Variants in GABRR1 observed in about 807,000 individuals in gnomAD.
GABRR1 encodes gamma-aminobutyric acid receptor subunit rho-1.
GABRR1 carries 59 observed loss-of-function variants against 55.5 expected under a neutral mutation model. The observed-to-expected ratio is 1.06, with a 90% confidence interval of 0.86 to 1.32. The LOEUF (loss-of-function observed/expected upper bound fraction) is 1.32. Ranked by LOEUF, GABRR1 falls within the 40% of genes most tolerant of loss-of-function variation. The pLI, the probability that GABRR1 is intolerant of heterozygous loss-of-function variation, is 0.00. For missense variants in GABRR1, 602 were observed against 619.1 expected (o/e 0.97, Z 0.29); for synonymous variants, 213 against 226.0 (o/e 0.94, Z 0.51).
At chr6:89,207,013 G>A (rs1772669835) in intron 1 of GABRR1, among the ~76,000 whole-genome samples, 1 of 152,092 alleles carries the variant, frequency 6.6e-6, no homozygotes, top group African/African-American at 2.4e-5. Context: ...AAACCCAAGG[G>A]TGTATTGCAC....
intron 1 of GABRR1, among the ~76,000 whole-genome samples, chr6:89,208,225 T>C (rs1248541816): frequency 1.3e-5 from 2 of 152,236 alleles, no homozygotes; most frequent in South Asian, 2.1e-4. Flanking sequence ...GTATCCATCA[T>C]GTTATTTATA....
At chr6:89,229,631 C>T (rs1224136333) in intron 1 of GABRR1, among the ~76,000 whole-genome samples, 3 of 111,028 alleles carry the variant, frequency 2.7e-5, no homozygotes, top group East Asian at 4.3e-4. Context: ...CGGAGAGATC[C>T]GCTGTTAGTC....
At chr6:89,201,112 C>G (rs1402240216) in intron 3 of GABRR1, 47 bp downstream of exon 3, 2 of 1,413,068 alleles carry the variant, frequency 1.4e-6, no homozygotes, top group East Asian at 4.6e-5. Context: ...TGCCCACAGA[C>G]AGAGGACCAG....
rs145923377 is a variant in GABRR1 at position 89,196,901 on chromosome 6, G to T, written c.572+1119C>A. Among the ~76,000 whole-genome samples, 560 of 147,498 alleles carry T rather than the reference G, an allele frequency of 3.8e-3. 7 individuals are homozygous for T. The highest frequency in any genetic ancestry group is 0.012 in the African/African-American group (500 of 40,742). Reference sequence around the variant, plus strand: ...AAAGAGAAGAGAAGAAAAAAGAAAAGAAAATAAAAAATCTGCCTCAGAAAT... The same window carrying T: ...AAAGAGAAGAGAAGAAAAAAGAAAATAAAATAAAAAATCTGCCTCAGAAAT... On this transcript the variant is annotated intron_variant, in intron 5 of 9. Transcript: ENST00000454853.
intron 5 of GABRR1, among the ~76,000 whole-genome samples, chr6:89,190,789 G>T (rs1429276704): frequency 6.6e-6 from 1 of 152,156 alleles, no homozygotes; most frequent in African/African-American, 2.4e-5. Context: ...ATAATTCCTT[G>T]GAGATCAAAG....
At position 89,217,314 on chromosome 6, in the gene GABRR1, A is replaced by G; in HGVS notation, c.9T>C (p.Ala3=). 1 of 1,614,192 alleles carries G rather than the reference A, an allele frequency of 6.2e-7. No homozygotes were observed. Among genetic ancestry groups the G allele is most frequent in the Non-Finnish European group, 8.5e-7 (1 of 1,180,028 alleles). ...AGATGCCAAATCTCATATTTGGGAC[A>G]GCCAACATGGGTTTCCAAATTCAAA... ML[A]VPNMRFGIFL... is the part of the protein sequence containing the mutation. Residue 3 remains alanine (A), a synonymous_variant, in exon 1 of 10, where the codon GCT becomes GCC. Transcript: ENST00000454853.
intron 1 of GABRR1, among the ~76,000 whole-genome samples, chr6:89,215,745 T>A (rs906431713): frequency 1.3e-5 from 2 of 152,250 alleles, no homozygotes; most frequent in Non-Finnish European, 2.9e-5. Context: ...CATTCCACAC[T>A]GTATGTATAG....
chr6:89,219,310 C>G, upstream of GABRR1, among the ~76,000 whole-genome samples: 1 of 152,078 alleles, frequency 6.6e-6, no homozygotes, highest in East Asian at 1.9e-4. Flanking sequence ...GAAGTCCAAG[C>G]TAAGATTCCT....
At chr6:89,223,906 G>A (rs1773153950) in intron 1 of GABRR1, among the ~76,000 whole-genome samples, 1 of 151,502 alleles carries the variant, frequency 6.6e-6, no homozygotes, top group South Asian at 2.1e-4. Flanking sequence ...TGGGACTACA[G>A]GCATATGCCA....
chr6:89,196,846 A>AGAAAGAAG (rs1772301170), intron 5 of GABRR1, among the ~76,000 whole-genome samples: 1 of 127,048 alleles, frequency 7.9e-6, no homozygotes, highest in African/African-American at 3.1e-5. Context: ...AAAGAAAGAA[A>AGAAAGAAG]GAAAGAAAGA....
At chr6:89,193,392 C>CTT (rs59412876) in intron 5 of GABRR1, among the ~76,000 whole-genome samples, 5 of 151,342 alleles carry the variant, frequency 3.3e-5, no homozygotes, top group African/African-American at 1.2e-4. Context: ...TTAGATCTCT[C>CTT]TTTTTTTTTC....
At position 89,189,516 on chromosome 6, in the gene GABRR1, T is replaced by A. The variant is rs1490843542; in HGVS notation, c.655+649A>T. Among the ~76,000 whole-genome samples the A allele has an allele frequency of 4.3e-5, 3 of 69,108 alleles. No individual in the cohort carries two copies. In the South Asian group the frequency reaches 1.9e-3, roughly 45 times the overall value. 45.3% of individuals were successfully genotyped at this position (69,108 alleles called of 152,430 possible). A position where few individuals can be genotyped will look rare whatever the true frequency, so the allele number is the denominator to read the frequency against. On this transcript the variant is annotated intron_variant, in intron 6 of 9. Coordinates refer to ENST00000454853, the MANE Select transcript of GABRR1 (RefSeq NM_002042.5). The stretch of plus-strand genomic sequence containing the variant: ...TCACACTCTGGGGACTGTGGTGGGG[T>A]GGGGGGAGGGGGGAGGGATAGCATT...
At chr6:89,196,717 C>T (rs1772284285) in intron 5 of GABRR1, among the ~76,000 whole-genome samples, 2 of 151,324 alleles carry the variant, frequency 1.3e-5, no homozygotes, top group South Asian at 4.2e-4. Flanking sequence ...GTTGAGGCTG[C>T]AGTAAGCCAC....
In GABRR1 at chr6:89,178,885, C is replaced by T. The variant is rs754704522; in HGVS notation, c.1325G>A (p.Arg442Lys). The T allele has an allele frequency of 1.2e-6, 2 of 1,614,220 alleles. No individual in the cohort carries two copies. The highest frequency in any genetic ancestry group is 8.5e-7 in the Non-Finnish European group (1 of 1,180,036). ...ERSSPQRKSQ[R>K]SSYVSMRIDT... ...GATTCTCATGCTCACATAGCTGCTTCTCTGACTTTTCCTCTGTGGGGAGCT... is the reference window on the plus strand; with the variant it reads ...GATTCTCATGCTCACATAGCTGCTTTTCTGACTTTTCCTCTGTGGGGAGCT... The change falls in exon 10 of 10, where the codon AGA becomes AAA. Residue 442 changes from arginine (R) to lysine (K), a missense_variant. This residue lies in a region of GABRR1 where 139 missense variants were observed against 141.1 expected (regional missense o/e 0.99). Transcript: ENST00000454853.
chr6:89,224,115 A>G (rs1431186026), intron 1 of GABRR1, among the ~76,000 whole-genome samples: 1 of 148,564 alleles, frequency 6.7e-6, no homozygotes, highest in Non-Finnish European at 1.5e-5. Flanking sequence ...TTTGAGATGG[A>G]GTCTTACTCT....
chr6:89,228,231 ATTTTTTGAAGGG>A (rs1773229220), intron 1 of GABRR1, among the ~76,000 whole-genome samples: 1 of 11,504 alleles, frequency 8.7e-5, no homozygotes, highest in Admixed American at 7.8e-4. Context: ...GGATTCATTG[ATTTTTTGAAGGG>A]TTTTTTGTGT....
upstream of GABRR1, among the ~76,000 whole-genome samples, chr6:89,219,439 C>A (rs1472663012): frequency 6.6e-6 from 1 of 152,076 alleles, no homozygotes; most frequent in African/African-American, 2.4e-5. Flanking sequence ...ACCAGCCAAA[C>A]CTAAGGAGCC....
intron 5 of GABRR1, among the ~76,000 whole-genome samples, chr6:89,195,388 G>A (rs553056953): frequency 9.4e-4 from 143 of 151,920 alleles, no homozygotes; most frequent in African/African-American, 3.1e-3. Context: ...GCTTGAACCC[G>A]AGAGGTGGAG....
intron 2 of GABRR1, among the ~76,000 whole-genome samples, chr6:89,203,188 C>T (rs1167624575): frequency 3.9e-5 from 6 of 152,124 alleles, no homozygotes; most frequent in South Asian, 2.1e-4. Context: ...GGGAGGAAGC[C>T]GGGCTTGTCA....
Sources: gnomAD v4.1 joint callset for allele counts (sites outside exome capture counted in the v4.1 genomes callset) on GRCh38, gnomAD v4.1.1 for gene constraint, gnomAD v4.1.1 regional missense constraint, MANE v1.5 for transcripts, NCBI Gene and HGNC (gene_info 2026-07-23, HGNC 2026-07-21) for gene names.